Variants in QTMAN observed in about 807,000 individuals in gnomAD.
The protein encoded by QTMAN is tRNA-queuosine alpha-mannosyltransferase.
the QTMAN span, among the ~76,000 whole-genome samples, chr2:144,313,762 CTT>C: frequency 6.6e-6 from 1 of 150,806 alleles, no homozygotes; most frequent in East Asian, 1.9e-4. Context: ...CTTAATCAAT[CTT>C]ATTATCATTA....
At chr2:144,032,192 C>T in the QTMAN span, among the ~76,000 whole-genome samples, 2 of 152,180 alleles carry the variant, frequency 1.3e-5, no homozygotes, top group Non-Finnish European at 2.9e-5. Context: ...CAAATCCTAA[C>T]CTTATCACTT....
At chr2:144,175,199 T>C in the QTMAN span, among the ~76,000 whole-genome samples, 1 of 152,050 alleles carries the variant, frequency 6.6e-6, no homozygotes, top group Admixed American at 6.6e-5. Context: ...TAAAATAAGA[T>C]GGCAGCAAAG....
the QTMAN span, among the ~76,000 whole-genome samples, chr2:144,229,477 G>A: frequency 6.6e-6 from 1 of 152,076 alleles, no homozygotes; most frequent in Non-Finnish European, 1.5e-5. Context: ...CCCCAGTTTG[G>A]TAGGATTTCA....
At chr2:143,974,733 G>A in the QTMAN span, among the ~76,000 whole-genome samples, 3 of 150,634 alleles carry the variant, frequency 2.0e-5, no homozygotes, top group Admixed American at 6.6e-5. Flanking sequence ...GTTTTCTATT[G>A]TTTCTTTAAT....
chr2:144,182,234 T>C, the QTMAN span, among the ~76,000 whole-genome samples: 16 of 152,212 alleles, frequency 1.1e-4, no homozygotes, highest in Non-Finnish European at 2.1e-4. Flanking sequence ...AGTGTAGATA[T>C]AATAATACAT....
the QTMAN span, among the ~76,000 whole-genome samples, chr2:143,987,257 T>A: frequency 6.6e-6 from 1 of 152,170 alleles, no homozygotes; most frequent in Non-Finnish European, 1.5e-5. Flanking sequence ...CCAGGGATCA[T>A]GTACACCAGA....
the QTMAN span, among the ~76,000 whole-genome samples, chr2:143,958,550 T>C: frequency 2.6e-4 from 39 of 152,196 alleles, no homozygotes; most frequent in African/African-American, 8.2e-4. Context: ...TCATCTATAG[T>C]GTAAAAGCAG....
chr2:144,155,167 A>G, the QTMAN span, among the ~76,000 whole-genome samples: 1 of 152,142 alleles, frequency 6.6e-6, no homozygotes, highest in Non-Finnish European at 1.5e-5. Context: ...TGGGGTCCCT[A>G]ATAGTATTTC....
chr2:144,124,194 A>G, the QTMAN span, among the ~76,000 whole-genome samples: 1 of 152,168 alleles, frequency 6.6e-6, no homozygotes, highest in Non-Finnish European at 1.5e-5. Context: ...ACTTTAGTTT[A>G]TAAGAAGCAA....
chr2:144,068,605 C>T, the QTMAN span, among the ~76,000 whole-genome samples: 1 of 152,176 alleles, frequency 6.6e-6, no homozygotes, highest in East Asian at 1.9e-4. Context: ...GTTAAGGACA[C>T]TCTATTTCAT....
At chr2:143,943,157 C>T in the QTMAN span, 3 of 152,120 alleles carry the variant, frequency 2.0e-5, no homozygotes, top group Non-Finnish European at 4.4e-5. Flanking sequence ...GTACTTTAAT[C>T]ACACATGTCT....
At chr2:144,040,757 C>T in the QTMAN span, among the ~76,000 whole-genome samples, 12 of 152,166 alleles carry the variant, frequency 7.9e-5, no homozygotes, top group Admixed American at 2.0e-4. Flanking sequence ...AAAGAAATAA[C>T]TCAGTTATCA....
At chr2:144,136,552 C>CT in the QTMAN span, among the ~76,000 whole-genome samples, 1 of 152,026 alleles carries the variant, frequency 6.6e-6, no homozygotes, top group Non-Finnish European at 1.5e-5. Flanking sequence ...AAGACTGAGA[C>CT]TTGCAGAAAG....
At chr2:144,169,471 A>C in the QTMAN span, among the ~76,000 whole-genome samples, 4 of 152,152 alleles carry the variant, frequency 2.6e-5, no homozygotes, top group Admixed American at 2.6e-4. Context: ...ATATCAGATC[A>C]TTTCATCTTT....
At chr2:144,248,583 T>C in the QTMAN span, among the ~76,000 whole-genome samples, 1 of 152,150 alleles carries the variant, frequency 6.6e-6, no homozygotes, top group Non-Finnish European at 1.5e-5. Context: ...GTATCGCAGG[T>C]AACTGTTTAT....
the QTMAN span, among the ~76,000 whole-genome samples, chr2:144,180,575 T>C: frequency 6.6e-6 from 1 of 152,178 alleles, no homozygotes; most frequent in African/African-American, 2.4e-5. Context: ...GTTCTCAAAA[T>C]TTTTGTGTCA....
the QTMAN span, among the ~76,000 whole-genome samples, chr2:144,139,579 T>C: frequency 1.3e-5 from 2 of 152,052 alleles, no homozygotes; most frequent in Admixed American, 6.6e-5. Context: ...CTAAGAGCTT[T>C]CCCATCCCAA....
chr2:144,222,472 G>A, the QTMAN span, among the ~76,000 whole-genome samples: 3 of 152,096 alleles, frequency 2.0e-5, no homozygotes, highest in South Asian at 6.2e-4. Context: ...AATTGAAAAG[G>A]ACTTCTAGTT....
chr2:144,033,492 A>G, the QTMAN span, among the ~76,000 whole-genome samples: 2 of 151,920 alleles, frequency 1.3e-5, no homozygotes, highest in Admixed American at 1.3e-4. Context: ...CTCCAGGTGC[A>G]CCCCCCTCCC....
Sources: allele counts gnomAD v4.1 joint callset (sites outside exome capture counted in the v4.1 genomes callset), GRCh38; gene constraint gnomAD v4.1.1; transcripts MANE v1.5; gene names NCBI Gene and HGNC (gene_info 2026-07-23, HGNC 2026-07-21).